DCAF10: variants seen among roughly 807,000 people sequenced by gnomAD.
DCAF10 encodes the protein DDB1- and CUL4-associated factor 10.
A neutral mutation model predicts 51.9 loss-of-function variants in DCAF10; 19 were observed. The observed-to-expected ratio is 0.37, with a 90% CI of 0.26 to 0.54. The LOEUF (loss-of-function observed/expected upper bound fraction) is 0.54. Among genes scored for constraint, DCAF10 ranks in the 20% least tolerant of loss-of-function variants. The probability of loss-of-function intolerance (pLI) is 0.87; values close to 1 mark genes in which losing one functional copy is unlikely to be tolerated. For synonymous variants in DCAF10, 291 were observed against 297.1 expected, an observed-to-expected ratio of 0.98 and a Z score of 0.21; for missense variants, 510 against 730.6, an observed-to-expected ratio of 0.70 and a Z score of 3.48.
chr9:37,840,931 T>A (rs1830317204), intron 2 of DCAF10, among the ~76,000 whole-genome samples: 1 of 152,248 alleles, frequency 6.6e-6, no homozygotes, highest in Admixed American at 6.5e-5. Context: ...GCCTACAGTA[T>A]TTAGTATGGT....
chr9:37,807,658 C>CTTTTTTTTTTTTTTTTTT (rs5897701), intron 1 of DCAF10, among the ~76,000 whole-genome samples: 1 of 72,540 alleles, frequency 1.4e-5, no homozygotes, highest in East Asian at 4.0e-4. Context: ...CTTTTCTTTT[C>CTTTTTTTTTTTTTTTTTT]TTTTTTTTTT....
chr9:37,847,566 A>G (rs1018632492), intron 3 of DCAF10, among the ~76,000 whole-genome samples: 1 of 152,214 alleles, frequency 6.6e-6, no homozygotes, highest in African/African-American at 2.4e-5. Flanking sequence ...CTTGCTTAAC[A>G]TTGAAAGACT....
chr9:37,847,379 C>G (rs1340557931), intron 3 of DCAF10, among the ~76,000 whole-genome samples: 1 of 150,786 alleles, frequency 6.6e-6, no homozygotes, highest in Non-Finnish European at 1.5e-5. Flanking sequence ...TATGTCATCA[C>G]CAAGTGGAAT....
intron 2 of DCAF10, among the ~76,000 whole-genome samples, chr9:37,832,695 TATC>T (rs1159707105): frequency 6.6e-6 from 1 of 152,170 alleles, no homozygotes; most frequent in Non-Finnish European, 1.5e-5. Flanking sequence ...CAGATAATGA[TATC>T]ATAGAATTAA....
chr9:37,813,719 AGTTT>A (rs1829423033), intron 1 of DCAF10, among the ~76,000 whole-genome samples: 1 of 152,354 alleles, frequency 6.6e-6, no homozygotes, highest in East Asian at 1.9e-4. Flanking sequence ...GAGATTAAGC[AGTTT>A]GTTTTTCAAT....
chr9:37,808,558 T>C (rs1207993462), intron 1 of DCAF10, among the ~76,000 whole-genome samples: 2 of 103,572 alleles, frequency 1.9e-5, no homozygotes, highest in Non-Finnish European at 3.8e-5. Flanking sequence ...ATATATAAAA[T>C]ATATAATACA....
At chr9:37,854,446 T>C (rs1049170784) in intron 3 of DCAF10, among the ~76,000 whole-genome samples, 4 of 152,110 alleles carry the variant, frequency 2.6e-5, no homozygotes, top group African/African-American at 9.7e-5. Context: ...ACTGCACATA[T>C]TTACAGGGTA....
chr9:37,800,937 C>T lies in DCAF10; in HGVS notation c.71C>T (p.Pro24Leu), dbSNP rs1828904465. 5.3e-6 allele frequency: 8 copies of T among 1,497,558 alleles called. No individual in the cohort carries two copies. The highest frequency in any genetic ancestry group is 2.6e-5 in the South Asian group (2 of 77,970). The allele number at this position is 1,497,558 out of a possible 1,614,324, so 92.8% of individuals were successfully genotyped here. Reference sequence around the variant, plus strand: ...GGAGCCGGGGCTGAGGAGCCGACGCCCCACGAGGGGCAGGCAGCAGCCACC... The same window carrying T: ...GGAGCCGGGGCTGAGGAGCCGACGCTCCACGAGGGGCAGGCAGCAGCCACC... ...SAGAGAEEPT[P>L]HEGQAAATGP... Residue 24 changes from proline to leucine, a missense_variant, in exon 1 of 7, where the codon CCC becomes CTC. Around this residue, in one of 4 missense-constraint regions of DCAF10, gnomAD observed 251 missense variants for 227.9 expected, o/e 1.10. Transcript: ENST00000377724.
intron 3 of DCAF10, among the ~76,000 whole-genome samples, chr9:37,846,016 A>G (rs1487690636): frequency 6.6e-6 from 1 of 152,212 alleles, no homozygotes; most frequent in Non-Finnish European, 1.5e-5. Flanking sequence ...TACATCATGT[A>G]TAAAATTAGT....
chr9:37,826,908 C>T (rs1829869407), intron 2 of DCAF10, among the ~76,000 whole-genome samples: 1 of 151,118 alleles, frequency 6.6e-6, no homozygotes, highest in Non-Finnish European at 1.5e-5. Context: ...TCACCACAAC[C>T]TCTGCCTTCC....
chr9:37,835,280 T>A (rs1381924317), intron 2 of DCAF10, among the ~76,000 whole-genome samples: 1 of 151,520 alleles, frequency 6.6e-6, no homozygotes, highest in Admixed American at 6.6e-5. Flanking sequence ...ACTAAAAATG[T>A]AAAAAAAATT....
rs145458167 is a variant in DCAF10, at chr9:37,866,064, C to T, written c.*4556C>T. ...AATAGTGTGATACTTATACTGATGA[C>T]AATCATCCCCATTTAATGACCAGCA... On this transcript the variant is annotated 3_prime_UTR_variant, in exon 7 of 7. Coordinates refer to ENST00000377724, the MANE Select transcript of DCAF10 (RefSeq NM_024345.5). 2.0e-5 allele frequency: 3 copies of T among 152,682 alleles called. No individual in the cohort carries two copies. Among genetic ancestry groups the T allele is most frequent in the African/African-American group, 7.2e-5 (3 of 41,558 alleles). The allele number at this position is 152,682 out of a possible 1,614,324, so 9.5% of individuals were successfully genotyped here. A position where few individuals can be genotyped will look rare whatever the true frequency, so the allele number is the denominator to read the frequency against.
Position 37,801,093 on chromosome 9 carries a change from C to G in DCAF10, c.227C>G (p.Ala76Gly). ...PRSGELGLPG[A>G]PESSTASAPG... Reference sequence around the variant, plus strand: ...TCCGGAGAGCTAGGGCTGCCTGGAGCTCCGGAGTCCTCAACTGCCTCCGCC... The same window carrying G: ...TCCGGAGAGCTAGGGCTGCCTGGAGGTCCGGAGTCCTCAACTGCCTCCGCC... The change falls in exon 1 of 7, where the codon GCT becomes GGT. Residue 76 changes from alanine to glycine, a missense_variant. By Grantham distance (60) the Ala-to-Gly change is moderately conservative (BLOSUM62 0). Coordinates refer to ENST00000377724, the MANE Select transcript of DCAF10 (RefSeq NM_024345.5). This position sits in a 1 kb window ranked among gnomAD's most constrained non-coding sequence, Gnocchi z 5.5. 1 of 1,534,494 alleles carries G rather than the reference C, an allele frequency of 6.5e-7. No homozygotes were observed. The highest frequency in any genetic ancestry group is 8.7e-7 in the Non-Finnish European group (1 of 1,146,134).
chr9:37,814,301 CTTTTTTTTTTTT>C lies in DCAF10; in HGVS notation c.540-4977_540-4966del, dbSNP rs61692599. On this transcript the variant is annotated intron_variant, in intron 1 of 6. Transcript: ENST00000377724. ...TTACAGGCATGTGCCACCACGCCGG[CTTTTTTTTTTTT>C]TTTTTTTTTGTATTTTTAGTAGAGA... 2.4e-3 allele frequency among the ~76,000 whole-genome samples: 245 copies of C among 101,024 alleles called. 1 individual carries two copies. The highest frequency in any genetic ancestry group is 3.7e-3 in the Non-Finnish European group (190 of 50,710). 66.3% of individuals were successfully genotyped at this position (101,024 alleles called of 152,430 possible).
chr9:37,816,659 G>GGGTGTGTGTGTGTGTGTGTGTGTGT (rs372664140), intron 1 of DCAF10, among the ~76,000 whole-genome samples: 1 of 144,890 alleles, frequency 6.9e-6, no homozygotes, highest in African/African-American at 2.5e-5. Flanking sequence ...CTGCACCTGG[G>GGGTGTGTGTGTGTGTGTGTGTGTGT]GTGTGTGTGT....
intron 2 of DCAF10, among the ~76,000 whole-genome samples, chr9:37,821,066 T>A (rs1231026247): frequency 1.3e-5 from 2 of 150,830 alleles, no homozygotes; most frequent in African/African-American, 4.9e-5. Flanking sequence ...CTATCCTTTC[T>A]AAGATAATTG....
rs1829370897 is a variant in DCAF10, at chr9:37,812,247, A to G, written c.540-7041A>G. 2.0e-5 allele frequency among the ~76,000 whole-genome samples: 3 copies of G among 152,114 alleles called. No individual in the cohort carries two copies. The South Asian group carries it at 6.2e-4, about 32-fold the overall frequency. ...AAAAACAAAAACAAAAATCCCTACCAACTTCTTCAAAAACAAACAACAAAA... is the reference window on the plus strand; with the variant it reads ...AAAAACAAAAACAAAAATCCCTACCGACTTCTTCAAAAACAAACAACAAAA... On this transcript the variant is annotated intron_variant, in intron 1 of 6. Coordinates refer to ENST00000377724, the MANE Select transcript of DCAF10 (RefSeq NM_024345.5).
chr9:37,838,771 A>G (rs974183983), intron 2 of DCAF10, among the ~76,000 whole-genome samples: 1 of 151,794 alleles, frequency 6.6e-6, no homozygotes, highest in Non-Finnish European at 1.5e-5. Context: ...GGCACCTGTA[A>G]TCCCAGCTAC....
chr9:37,842,322 A>C (rs1830357797), intron 3 of DCAF10, 36 bp downstream of exon 3: 2 of 1,577,426 alleles, frequency 1.3e-6, no homozygotes, highest in Non-Finnish European at 1.7e-6. Flanking sequence ...GATTATGAAC[A>C]AAAACATTTT....
Sources: allele counts gnomAD v4.1 joint callset (sites outside exome capture counted in the v4.1 genomes callset), GRCh38; gene constraint gnomAD v4.1.1; regional missense constraint gnomAD v4.1.1; non-coding constraint Gnocchi (gnomAD v3.1); transcripts MANE v1.5; gene names NCBI Gene and HGNC (gene_info 2026-07-23, HGNC 2026-07-21).